Variants in PTK2B observed in about 807,000 individuals in gnomAD.
PTK2B encodes protein tyrosine kinase 2 beta, also known as protein-tyrosine kinase 2-beta.
Under a neutral mutation model 142.9 loss-of-function variants are expected in PTK2B, and 71 were observed. The observed-to-expected ratio is 0.50, with a 90% confidence interval of 0.41 to 0.61. The LOEUF (loss-of-function observed/expected upper bound fraction) is 0.61. Among genes scored for constraint, PTK2B ranks in the 20% least tolerant of loss-of-function variants. PTK2B has a pLI of 0.00. For synonymous variants in PTK2B, 519 were observed against 503.4 expected (o/e 1.03, Z -0.42); for missense variants, 1,105 against 1,320.4 (o/e 0.84, Z 2.53).
intron 1 of PTK2B, chr8:27,395,912 G>A (rs368931773): frequency 1.2e-4 from 19 of 152,274 alleles, no homozygotes; most frequent in African/African-American, 4.3e-4. Context: ...GCAGAGTATT[G>A]ACACACAGGA....
chr8:27,318,954 C>A (rs1434908383), intron 3 of PTK2B, among the ~76,000 whole-genome samples: 2 of 150,902 alleles, frequency 1.3e-5, no homozygotes, highest in Non-Finnish European at 2.9e-5. Context: ...CCTGGCCTTT[C>A]GTGTTGTTCT....
chr8:27,445,825 C>T lies in PTK2B; in HGVS notation c.2246C>T (p.Thr749Met), dbSNP rs758609800. The change falls in exon 24 of 31, where the codon ACG becomes ATG. Residue 749 changes from threonine (T) to methionine (M), a missense_variant. Transcript: ENST00000346049. ...VPEGLCASSP[T>M]LTSPMEYPSP... Reference sequence around the variant, plus strand: ...GAGGGTCTGTGTGCCAGCTCTCCTACGCTCACCAGCCCTATGGAGTATCCA... The same window carrying T: ...GAGGGTCTGTGTGCCAGCTCTCCTATGCTCACCAGCCCTATGGAGTATCCA... The T allele has an allele frequency of 2.5e-5, 41 of 1,613,956 alleles. No individual in the cohort carries two copies. Among genetic ancestry groups the T allele is most frequent in the African/African-American group, 1.9e-4 (14 of 74,924 alleles).
intron 5 of PTK2B, among the ~76,000 whole-genome samples, chr8:27,424,356 G>T (rs988140949): frequency 1.2e-4 from 18 of 152,146 alleles, no homozygotes; most frequent in East Asian, 7.7e-4. Flanking sequence ...ACAGGGCAAG[G>T]CATCCGACAT....
At chr8:27,353,922 A>C (rs1805250195) in intron 1 of PTK2B, among the ~76,000 whole-genome samples, 1 of 152,132 alleles carries the variant, frequency 6.6e-6, no homozygotes, top group Non-Finnish European at 1.5e-5. Flanking sequence ...CAGATGACAG[A>C]AACCCAAAAG....
intron 1 of PTK2B, among the ~76,000 whole-genome samples, chr8:27,348,702 G>C (rs975349192): frequency 6.6e-6 from 1 of 152,090 alleles, no homozygotes; most frequent in Non-Finnish European, 1.5e-5. Flanking sequence ...CTTCTACTTG[G>C]CATTGGGCAA....
chr8:27,449,790 C>A (rs543481525), intron 24 of PTK2B, among the ~76,000 whole-genome samples: 1 of 152,272 alleles, frequency 6.6e-6, no homozygotes, highest in South Asian at 2.1e-4. Flanking sequence ...GGAAGACATG[C>A]AATACTTTCT....
exon 2 of PTK2B, chr8:27,312,367 T>A (rs1345054204): frequency 6.6e-6 from 1 of 152,212 alleles, no homozygotes; most frequent in African/African-American, 2.4e-5. Context: ...TCTGGCAGAC[T>A]TATTCCCAAT....
At chr8:27,330,249 A>G (rs1386376465) in intron 1 of PTK2B, among the ~76,000 whole-genome samples, 1 of 152,216 alleles carries the variant, frequency 6.6e-6, no homozygotes, top group Non-Finnish European at 1.5e-5. Context: ...TATGCATCCA[A>G]TAAGTATGAG....
At position 27,451,024 on chromosome 8, in the gene PTK2B, CTT is replaced by C. The variant is rs748306461; in HGVS notation, c.2488-18_2488-17del. 3.4e-5 allele frequency: 55 copies of C among 1,612,266 alleles called. No individual in the cohort carries two copies. Among genetic ancestry groups the C allele is most frequent in the South Asian group, 3.1e-4 (28 of 91,046 alleles). Reference sequence around the variant, plus strand: ...GCTCCAGAATTCTTAGTCCTTCGCTCTTGTTTCTTCCTCTGCAGGACCCCATG... The same window carrying C: ...GCTCCAGAATTCTTAGTCCTTCGCTCGTTTCTTCCTCTGCAGGACCCCATG... On this transcript the variant is annotated splice_polypyrimidine_tract_variant and intron_variant, in intron 25 of 30. Transcript: ENST00000346049.
rs751002167 is a variant in PTK2B at position 27,450,884 on chromosome 8, G to A, written c.2476G>A (p.Glu826Lys). Residue 826 changes from glutamate to lysine, a missense_variant, in exon 25 of 31, where the codon GAG becomes AAG. By Grantham distance (56) the Glu-to-Lys change is moderately conservative. Coordinates refer to ENST00000346049, the MANE Select transcript of PTK2B (RefSeq NM_173176.3). ...VEDYQWLRQE[E>K]KSLDPMVYMN... ...GGACTACCAGTGGCTCAGGCAGGAGGAGAAGTCCCTGGTGAGCACCCCAGG... is the reference window on the plus strand; with the variant it reads ...GGACTACCAGTGGCTCAGGCAGGAGAAGAAGTCCCTGGTGAGCACCCCAGG... The A allele has an allele frequency of 6.2e-7, 1 of 1,614,200 alleles. No individual in the cohort carries two copies. Among genetic ancestry groups the A allele is most frequent in the Non-Finnish European group, 8.5e-7 (1 of 1,180,026 alleles).
intron 2 of PTK2B, among the ~76,000 whole-genome samples, chr8:27,413,531 G>A (rs1030782968): frequency 1.3e-5 from 2 of 152,144 alleles, no homozygotes; most frequent in African/African-American, 4.8e-5. Flanking sequence ...TCTTCATCCT[G>A]GGTCTCTGGT....
At chr8:27,428,435 T>C (rs1810215709) in intron 5 of PTK2B, among the ~76,000 whole-genome samples, 1 of 152,180 alleles carries the variant, frequency 6.6e-6, no homozygotes, top group South Asian at 2.1e-4. Context: ...GAACATCCCA[T>C]CTCAGGCACC....
chr8:27,396,301 C>A (rs1177501840), intron 1 of PTK2B: 1 of 152,230 alleles, frequency 6.6e-6, no homozygotes, highest in African/African-American at 2.4e-5. Context: ...TTCCACTTTT[C>A]AAATGTGTGA....
At chr8:27,454,386 C>T (rs1037534479) in intron 29 of PTK2B, 95 bp downstream of exon 29, 1 of 1,562,794 alleles carries the variant, frequency 6.4e-7, no homozygotes, top group Non-Finnish European at 8.7e-7. Context: ...CCAGCAGATC[C>T]TCTTAGAGCA....
chr8:27,370,907 T>G (rs1806313844), intron 1 of PTK2B, among the ~76,000 whole-genome samples: 1 of 152,168 alleles, frequency 6.6e-6, no homozygotes, highest in Non-Finnish European at 1.5e-5. Context: ...CTTTTTAGTT[T>G]ATTTTTATTT....
At chr8:27,413,808 C>T (rs1305328308) in intron 2 of PTK2B, among the ~76,000 whole-genome samples, 1 of 152,194 alleles carries the variant, frequency 6.6e-6, no homozygotes, top group Admixed American at 6.5e-5. Context: ...TTGATGAATC[C>T]TGCCTGAATC....
At chr8:27,424,504 C>CA (rs770312080) in intron 5 of PTK2B, among the ~76,000 whole-genome samples, 8 of 152,196 alleles carry the variant, frequency 5.3e-5, no homozygotes, top group Non-Finnish European at 1.2e-4. Flanking sequence ...GGAACAGAGT[C>CA]AGAGAGATGT....
chr8:27,444,540 C>G (rs1563296431), intron 23 of PTK2B, among the ~76,000 whole-genome samples: 2 of 152,190 alleles, frequency 1.3e-5, no homozygotes, highest in African/African-American at 4.8e-5. Context: ...GCCTGCTGCT[C>G]TCTCCCCACA....
rs142177120 is a variant in PTK2B at position 27,349,207 on chromosome 8, A to G, written c.-38+23526A>G. 8.9e-4 allele frequency among the ~76,000 whole-genome samples: 135 copies of G among 152,294 alleles called. 1 individual carries two copies. Among genetic ancestry groups the G allele is most frequent in the Admixed American group, 2.0e-3 (30 of 15,294 alleles). ...CAACAGAGAAGGCCAGAGAGTCTAGAGTCTAAAAGTGTATTTCCAATCCCA... is the reference window on the plus strand; with the variant it reads ...CAACAGAGAAGGCCAGAGAGTCTAGGGTCTAAAAGTGTATTTCCAATCCCA... On this transcript the variant is annotated intron_variant, in intron 1 of 30. Transcript: ENST00000346049.
Sources: gnomAD v4.1 joint callset for allele counts (sites outside exome capture counted in the v4.1 genomes callset) on GRCh38, gnomAD v4.1.1 for gene constraint, MANE v1.5 for transcripts, NCBI Gene and HGNC (gene_info 2026-07-23, HGNC 2026-07-21) for gene names.